The following LINGO2 variants were observed in gnomAD, a reference collection of about 807,000 sequenced individuals.
LINGO2 encodes leucine rich repeat and Ig domain containing 2, also known as leucine-rich repeat and immunoglobulin-like domain-containing nogo receptor-interacting protein 2.
A neutral mutation model predicts 30.6 loss-of-function variants in LINGO2; 14 were observed. The observed-to-expected ratio is 0.46, with a 90% CI of 0.30 to 0.72. The LOEUF is 0.72. Ranked by LOEUF, LINGO2 falls within the 30% of genes least tolerant of loss-of-function variation. The probability of loss-of-function intolerance (pLI) is 0.07; values close to 1 mark genes in which losing one functional copy is unlikely to be tolerated. For missense variants in LINGO2, 729 were observed against 751.7 expected (o/e 0.97, Z 0.35); for synonymous variants, 317 against 288.5 (o/e 1.10, Z -1.00).
At chr9:28,681,431 C>T in the LINGO2 span, among the ~76,000 whole-genome samples, 1 of 152,024 alleles carries the variant, frequency 6.6e-6, no homozygotes, top group East Asian at 1.9e-4. Context: ...TTACAACTGG[C>T]AGTGCAAAGT....
intron 2 of LINGO2, among the ~76,000 whole-genome samples, chr9:28,384,296 C>T (rs1387545210): frequency 7.1e-6 from 1 of 141,834 alleles, no homozygotes; most frequent in Non-Finnish European, 1.5e-5. Context: ...CTGAATTCCA[C>T]ATTTATCACT....
intron 4 of LINGO2, among the ~76,000 whole-genome samples, chr9:28,195,105 A>T (rs1287229631): frequency 6.6e-6 from 1 of 152,056 alleles, no homozygotes; most frequent in Non-Finnish European, 1.5e-5. Context: ...TAAGGGGAAA[A>T]TACTCTATTA....
rs141318400 is a variant in LINGO2, at chr9:28,381,177, G to C, written c.-278-8309C>G. ...CCATCAGTTTTTCCAGAGTCCTAGT[G>C]TGGAAGGTAACTTCAGAACAGAGCA... is the stretch of plus-strand genomic sequence containing the variant. On this transcript the variant is annotated intron_variant, in intron 2 of 5. Transcript: ENST00000379992. Among the ~76,000 whole-genome samples, 63 of 152,082 alleles carry C rather than the reference G, an allele frequency of 4.1e-4. No individual in the cohort carries two copies. The East Asian group carries it at 6.8e-3, about 16-fold the overall frequency.
chr9:28,296,920 ATCT>A (rs1823944751), intron 3 of LINGO2, among the ~76,000 whole-genome samples: 1 of 152,096 alleles, frequency 6.6e-6, no homozygotes, highest in Non-Finnish European at 1.5e-5. Flanking sequence ...TCTACTTCCT[ATCT>A]TCTTTGAAGA....
At chr9:29,192,788 T>G in the LINGO2 span, among the ~76,000 whole-genome samples, 1 of 152,136 alleles carries the variant, frequency 6.6e-6, no homozygotes, top group African/African-American at 2.4e-5. Flanking sequence ...ACTCCATCTC[T>G]CTGGCAGCAG....
At chr9:28,692,385 G>A in the LINGO2 span, among the ~76,000 whole-genome samples, 1 of 152,142 alleles carries the variant, frequency 6.6e-6, no homozygotes, top group East Asian at 1.9e-4. Context: ...TGAGGCAGGA[G>A]AGTCGCTTGA....
the LINGO2 span, among the ~76,000 whole-genome samples, chr9:29,141,217 C>A: frequency 2.0e-5 from 3 of 151,888 alleles, no homozygotes; most frequent in African/African-American, 7.2e-5. Flanking sequence ...TATAAAAAAA[C>A]TATAACTATA....
At chr9:28,827,054 T>C in the LINGO2 span, among the ~76,000 whole-genome samples, 4 of 152,308 alleles carry the variant, frequency 2.6e-5, no homozygotes, top group South Asian at 6.2e-4. Context: ...TAGTCAATTA[T>C]AGTTAATAGC....
intron 1 of LINGO2, among the ~76,000 whole-genome samples, chr9:28,487,484 C>G (rs1826217355): frequency 6.6e-6 from 1 of 152,072 alleles, no homozygotes; most frequent in Non-Finnish European, 1.5e-5. Context: ...GGAAATTTAT[C>G]TGAAAACCTT....
intron 4 of LINGO2, among the ~76,000 whole-genome samples, chr9:28,088,847 T>C (rs556052348): frequency 6.6e-6 from 1 of 151,542 alleles, no homozygotes; most frequent in South Asian, 2.1e-4. Context: ...ACACATAGAC[T>C]CAAAATAAAG....
intron 1 of LINGO2, among the ~76,000 whole-genome samples, chr9:28,571,961 T>C (rs955872939): frequency 2.0e-5 from 3 of 152,024 alleles, no homozygotes; most frequent in African/African-American, 4.8e-5. Context: ...AGATAGAGTA[T>C]AACATGAGGC....
chr9:28,455,645 G>A (rs568144841), intron 2 of LINGO2, among the ~76,000 whole-genome samples: 3 of 152,212 alleles, frequency 2.0e-5, no homozygotes, highest in South Asian at 2.1e-4. Flanking sequence ...CTATGCTCTC[G>A]TGACAGTCTG....
the LINGO2 span, among the ~76,000 whole-genome samples, chr9:28,948,157 A>C: frequency 6.6e-6 from 1 of 152,240 alleles, no homozygotes; most frequent in Non-Finnish European, 1.5e-5. Context: ...TCTTAAATGT[A>C]TATTAAAAAT....
chr9:28,380,327 TA>T (rs1564162578), intron 2 of LINGO2, among the ~76,000 whole-genome samples: 1 of 151,452 alleles, frequency 6.6e-6, no homozygotes, highest in Non-Finnish European at 1.5e-5. Context: ...AGACGCAAGC[TA>T]GGTGACCATT....
intron 3 of LINGO2, among the ~76,000 whole-genome samples, chr9:28,368,168 T>C (rs562793616): frequency 6.6e-6 from 1 of 152,280 alleles, no homozygotes; most frequent in South Asian, 2.1e-4. Context: ...ACACCCTGCA[T>C]TGTCTTATTT....
the LINGO2 span, among the ~76,000 whole-genome samples, chr9:28,924,570 A>C: frequency 6.6e-6 from 1 of 152,198 alleles, no homozygotes; most frequent in South Asian, 2.1e-4. Flanking sequence ...AAACAAACAA[A>C]ACCTGGTTTA....
At chr9:29,036,167 G>A in the LINGO2 span, among the ~76,000 whole-genome samples, 4 of 151,998 alleles carry the variant, frequency 2.6e-5, no homozygotes, top group African/African-American at 9.7e-5. Context: ...CTTACACTAC[G>A]AGTTCAAAAG....
intron 3 of LINGO2, among the ~76,000 whole-genome samples, chr9:28,343,411 A>G (rs1587500643): frequency 1.3e-5 from 2 of 152,298 alleles, no homozygotes; most frequent in East Asian, 3.9e-4. Context: ...GGGTCTGCCT[A>G]TTCTGTATTG....
At chr9:29,014,468 AC>A in the LINGO2 span, among the ~76,000 whole-genome samples, 1 of 152,106 alleles carries the variant, frequency 6.6e-6, no homozygotes, top group Non-Finnish European at 1.5e-5. Flanking sequence ...TCTTCAAAAC[AC>A]TTTTAGATGT....
Sources: gnomAD v4.1 joint callset for allele counts (sites outside exome capture counted in the v4.1 genomes callset) on GRCh38, gnomAD v4.1.1 for gene constraint, MANE v1.5 for transcripts, NCBI Gene and HGNC (gene_info 2026-07-23, HGNC 2026-07-21) for gene names.